PDE5A: variants seen among roughly 807,000 people sequenced by gnomAD.
PDE5A encodes cGMP-specific 3',5'-cyclic phosphodiesterase.
A neutral mutation model predicts 110.2 loss-of-function variants in PDE5A; 67 were observed. That is an observed-to-expected ratio of 0.61 (90% CI 0.50 to 0.75). The LOEUF is 0.75. PDE5A is among the 30% of genes least tolerant of loss of function. The pLI, the probability that PDE5A is intolerant of heterozygous loss-of-function variation, is 0.00. For synonymous variants in PDE5A, 328 were observed against 351.2 expected (o/e 0.93, Z 0.74); for missense variants, 862 against 1,045.1 (o/e 0.82, Z 2.42).
intron 16 of PDE5A, among the ~76,000 whole-genome samples, 182 bp from the exon 17 acceptor site, chr4:119,506,114 C>A (rs938767891): frequency 7.9e-5 from 12 of 151,810 alleles, no homozygotes; most frequent in African/African-American, 2.9e-4. Flanking sequence ...CCCCTTCTAT[C>A]ATTTGCTTTC....
At chr4:119,580,108 T>G (rs1233805732) in intron 3 of PDE5A, among the ~76,000 whole-genome samples, 1 of 151,928 alleles carries the variant, frequency 6.6e-6, no homozygotes. Flanking sequence ...GGGACTAGAG[T>G]CAACCTGAGA....
At chr4:119,602,375 A>G (rs1729376279) in intron 2 of PDE5A, among the ~76,000 whole-genome samples, 1 of 152,208 alleles carries the variant, frequency 6.6e-6, no homozygotes, top group Non-Finnish European at 1.5e-5. Context: ...GCAGTTTCTT[A>G]TACTGGTCTT....
chr4:119,553,936 G>GA (rs2110497558), intron 7 of PDE5A, among the ~76,000 whole-genome samples, 190 bp from the exon 8 acceptor site: 1 of 152,146 alleles, frequency 6.6e-6, no homozygotes, highest in South Asian at 2.1e-4. Flanking sequence ...TAAATGTTTT[G>GA]AAAAAACAAA....
intron 3 of PDE5A, among the ~76,000 whole-genome samples, chr4:119,590,503 C>G (rs774049955): frequency 6.6e-6 from 1 of 152,232 alleles, no homozygotes. Flanking sequence ...TCTTTTTCCA[C>G]TTTGCCCATT....
intron 2 of PDE5A, among the ~76,000 whole-genome samples, chr4:119,603,659 C>T (rs1008502650): frequency 6.6e-6 from 1 of 152,064 alleles, no homozygotes; most frequent in Non-Finnish European, 1.5e-5. Flanking sequence ...TTTTCTGTTA[C>T]AAAGTTTTAA....
chr4:119,572,551 G>C (rs192951715), intron 3 of PDE5A, among the ~76,000 whole-genome samples: 2 of 152,216 alleles, frequency 1.3e-5, no homozygotes, highest in African/African-American at 2.4e-5. Flanking sequence ...CACTGGAAGA[G>C]AGAAGAAAGA....
At chr4:119,544,823 G>A (rs1727076453) in intron 9 of PDE5A, among the ~76,000 whole-genome samples, 1 of 152,122 alleles carries the variant, frequency 6.6e-6, no homozygotes, top group African/African-American at 2.4e-5. Context: ...AAAATTCACT[G>A]AATGAATATA....
At chr4:119,608,496 A>G (rs77570849) in intron 1 of PDE5A, among the ~76,000 whole-genome samples, 3,717 of 152,272 alleles carry the variant, frequency 0.024, 57 homozygotes, top group South Asian at 0.051. Flanking sequence ...GAAACAATTT[A>G]TAATCCAAAT....
chr4:119,556,853 T>A (rs534838143), intron 7 of PDE5A, among the ~76,000 whole-genome samples: 1 of 152,324 alleles, frequency 6.6e-6, no homozygotes, highest in African/African-American at 2.4e-5. Context: ...CACTAAATAG[T>A]TACAGATTGT....
At chr4:119,500,051 G>A (rs1560591182) in intron 20 of PDE5A, 2 of 151,966 alleles carry the variant, frequency 1.3e-5, no homozygotes, top group African/African-American at 4.8e-5. Flanking sequence ...CAGGGATGGA[G>A]AAAACTCAAA....
intron 3 of PDE5A, among the ~76,000 whole-genome samples, chr4:119,588,567 C>T (rs2110528805): frequency 6.8e-6 from 1 of 147,020 alleles, no homozygotes; most frequent in Non-Finnish European, 1.5e-5. Flanking sequence ...TGCAGTGATT[C>T]AGCAGTTACT....
chr4:119,614,785 T>C (rs1578829981), intron 1 of PDE5A, among the ~76,000 whole-genome samples: 1 of 152,250 alleles, frequency 6.6e-6, no homozygotes, highest in South Asian at 2.1e-4. Flanking sequence ...TACAAAGCAT[T>C]GAGAGGCTGC....
chr4:119,534,706 CAG>C (rs1458142100), intron 11 of PDE5A, among the ~76,000 whole-genome samples: 2 of 152,126 alleles, frequency 1.3e-5, no homozygotes, highest in African/African-American at 4.8e-5. Context: ...GCCATCCATA[CAG>C]AGTTTTCAAA....
chr4:119,551,040 C>T lies in PDE5A; in HGVS notation c.1396+1510G>A, dbSNP rs544177284. On this transcript the variant is annotated intron_variant, in intron 9 of 20. Coordinates refer to ENST00000354960, the MANE Select transcript of PDE5A (RefSeq NM_001083.4). ...TCAACAGCCCAGCAGGGGGTTGGCA[C>T]GCTGGTTTCTAAGCGGCTTTAATGC... 1.4e-4 allele frequency among the ~76,000 whole-genome samples: 22 copies of T among 152,242 alleles called. No homozygotes were observed. The South Asian group carries it at 1.7e-3, about 11-fold the overall frequency.
intron 2 of PDE5A, among the ~76,000 whole-genome samples, chr4:119,603,998 C>T (rs1197529274): frequency 1.3e-5 from 2 of 152,180 alleles, no homozygotes; most frequent in Non-Finnish European, 2.9e-5. Flanking sequence ...AGCCAACTGA[C>T]TTCCACTGCT....
chr4:119,624,618 G>A (rs927543401), intron 1 of PDE5A, among the ~76,000 whole-genome samples: 4 of 152,092 alleles, frequency 2.6e-5, no homozygotes, highest in African/African-American at 9.7e-5. Context: ...TCGAGCTTTT[G>A]CCTGTACAAA....
intron 1 of PDE5A, among the ~76,000 whole-genome samples, chr4:119,621,416 C>G (rs1730138276): frequency 6.6e-6 from 1 of 152,156 alleles, no homozygotes; most frequent in African/African-American, 2.4e-5. Flanking sequence ...GAAGGCACCT[C>G]TCTAATATCA....
rs774109543 is a variant in PDE5A, at chr4:119,498,338, CACAA to C, written c.*259_*262del. On this transcript the variant is annotated 3_prime_UTR_variant, in exon 21 of 21. Coordinates refer to ENST00000354960, the MANE Select transcript of PDE5A (RefSeq NM_001083.4). ...ATACACTTTGCAGTACACGAAATAT[CACAA>C]ACAATGCTTTTATCAATGTGCTAAC... 5.1e-5 allele frequency: 19 copies of C among 370,406 alleles called. No homozygotes were observed. The highest frequency in any genetic ancestry group is 7.9e-5 in the Non-Finnish European group (16 of 203,354). 22.9% of individuals were successfully genotyped at this position (370,406 alleles called of 1,614,324 possible). A position where few individuals can be genotyped will look rare whatever the true frequency, so the allele number is the denominator to read the frequency against.
chr4:119,578,969 A>G (rs2110519438), intron 3 of PDE5A, among the ~76,000 whole-genome samples: 1 of 152,230 alleles, frequency 6.6e-6, no homozygotes, highest in African/African-American at 2.4e-5. Context: ...CAGAATCTAC[A>G]AAGAACTCAA....
Sources: gnomAD v4.1 joint callset for allele counts (sites outside exome capture counted in the v4.1 genomes callset) on GRCh38, gnomAD v4.1.1 for gene constraint, MANE v1.5 for transcripts, NCBI Gene and HGNC (gene_info 2026-07-23, HGNC 2026-07-21) for gene names.